The following ATP2B2 variants were observed in gnomAD, a reference collection of about 807,000 sequenced individuals.
ATP2B2 encodes the protein plasma membrane calcium-transporting ATPase 2.
ATP2B2 carries 15 observed loss-of-function variants against 120.0 expected under a neutral mutation model. The observed-to-expected ratio is 0.12, with a 90% CI of 0.08 to 0.19. ATP2B2 has a LOEUF of 0.19. ATP2B2 is among the 10% of genes least tolerant of loss of function. ATP2B2 has a pLI of 1.00. For missense variants in ATP2B2, 1,045 were observed against 1,719.8 expected (o/e 0.61, Z 6.94); for synonymous variants, 694 against 700.3 (o/e 0.99, Z 0.14).
Position 10,677,074 on chromosome 3 carries a change from C to A in ATP2B2, c.-460+30841G>T, listed in dbSNP as rs183837499. On this transcript the variant is annotated intron_variant, in intron 1 of 21. Coordinates refer to the ATP2B2 transcript ENST00000646379. ...CACACTCCCTGGTATTTACCCAAAG[C>A]AGTTGAGAACTTATGTCCACACAAA... 2.8e-3 allele frequency among the ~76,000 whole-genome samples: 429 copies of A among 152,332 alleles called. 1 individual carries two copies. Among genetic ancestry groups the A allele is most frequent in the African/African-American group, 9.8e-3 (408 of 41,568 alleles).
intron 1 of ATP2B2, among the ~76,000 whole-genome samples, chr3:10,504,259 G>A (rs1247284181): frequency 1.3e-5 from 2 of 151,854 alleles, no homozygotes; most frequent in African/African-American, 2.4e-5. Flanking sequence ...CAAGGCCTGC[G>A]CTCCAAGCCC....
intron 1 of ATP2B2, among the ~76,000 whole-genome samples, chr3:10,463,358 G>A (rs1314454515): frequency 3.3e-5 from 5 of 152,176 alleles, no homozygotes; most frequent in Admixed American, 6.5e-5. Flanking sequence ...CATGGGAAGC[G>A]AGGAATATTA....
At chr3:10,461,111 A>C (rs577353265) in intron 1 of ATP2B2, among the ~76,000 whole-genome samples, 1 of 152,226 alleles carries the variant, frequency 6.6e-6, no homozygotes, top group South Asian at 2.1e-4. Flanking sequence ...AGAAAGTAGG[A>C]CTCTTGGATT....
intron 2 of ATP2B2, among the ~76,000 whole-genome samples, chr3:10,611,047 C>T (rs1000046425): frequency 6.6e-6 from 1 of 152,214 alleles, no homozygotes; most frequent in African/African-American, 2.4e-5. Flanking sequence ...GAAACCAGAA[C>T]CTGAGGGCTC....
intron 1 of ATP2B2, among the ~76,000 whole-genome samples, chr3:10,622,405 A>T (rs1197145433): frequency 2.0e-5 from 3 of 152,174 alleles, no homozygotes; most frequent in Non-Finnish European, 4.4e-5. Context: ...ATCTGCATTG[A>T]CAGCAGCCAT....
At chr3:10,606,069 G>A (rs62240191) in intron 2 of ATP2B2, among the ~76,000 whole-genome samples, 2 of 152,070 alleles carry the variant, frequency 1.3e-5, no homozygotes, top group African/African-American at 2.4e-5. Context: ...AGCGAGCTAC[G>A]ATTGTACCAC....
At chr3:10,698,893 A>T (rs947866322) in intron 1 of ATP2B2, among the ~76,000 whole-genome samples, 1 of 152,264 alleles carries the variant, frequency 6.6e-6, no homozygotes, top group Non-Finnish European at 1.5e-5. Context: ...GGGACTGTGC[A>T]CATAGAAGCA....
chr3:10,569,222 C>T (rs2068072757), intron 2 of ATP2B2, among the ~76,000 whole-genome samples: 1 of 152,208 alleles, frequency 6.6e-6, no homozygotes, highest in African/African-American at 2.4e-5. Flanking sequence ...AAAACAATCG[C>T]TCCTCTTTAT....
intron 2 of ATP2B2, among the ~76,000 whole-genome samples, chr3:10,550,672 A>G (rs1292545041): frequency 6.6e-6 from 1 of 152,080 alleles, no homozygotes; most frequent in African/African-American, 2.4e-5. Context: ...GTCTTAATGT[A>G]TCCCTCCAGG....
intron 22 of ATP2B2, among the ~76,000 whole-genome samples, chr3:10,334,363 G>A (rs925286751): frequency 2.6e-5 from 4 of 152,176 alleles, no homozygotes; most frequent in Non-Finnish European, 4.4e-5. Flanking sequence ...TCTCCCTGCC[G>A]GGACACTTGG....
intron 2 of ATP2B2, among the ~76,000 whole-genome samples, chr3:10,581,177 T>C (rs1372557228): frequency 1.3e-5 from 2 of 152,220 alleles, no homozygotes; most frequent in South Asian, 2.1e-4. Flanking sequence ...CACCATGCCA[T>C]GTCCCCACAT....
chr3:10,371,116 A>C (rs1426508746), intron 12 of ATP2B2, among the ~76,000 whole-genome samples: 3 of 152,210 alleles, frequency 2.0e-5, no homozygotes, highest in Non-Finnish European at 4.4e-5. Flanking sequence ...AGTTTATTTT[A>C]CCACTGTGTG....
intron 1 of ATP2B2, among the ~76,000 whole-genome samples, chr3:10,664,641 C>A (rs1414566248): frequency 1.3e-5 from 2 of 152,116 alleles, no homozygotes; most frequent in African/African-American, 4.8e-5. Context: ...TTTTGTGAGC[C>A]TGGGATCTGG....
chr3:10,372,106 G>A, intron 11 of ATP2B2, 55 bp from the exon 12 acceptor site: 1 of 1,613,390 alleles, frequency 6.2e-7, no homozygotes, highest in Non-Finnish European at 8.5e-7. Flanking sequence ...TGGGGAGCAT[G>A]GGGTGCCTGG....
chr3:10,385,376 A>T (rs947764593), intron 7 of ATP2B2, 49 bp from the exon 8 acceptor site: 1 of 1,540,434 alleles, frequency 6.5e-7, no homozygotes, highest in Non-Finnish European at 9.0e-7. Flanking sequence ...AATGGAGAAA[A>T]GCAACAACGA....
intron 16 of ATP2B2, among the ~76,000 whole-genome samples, chr3:10,349,049 G>A (rs916308473): frequency 3.3e-5 from 5 of 152,222 alleles, no homozygotes; most frequent in African/African-American, 7.2e-5. Flanking sequence ...ATCTCCAGTG[G>A]AGCCCTGCTC....
At chr3:10,638,932 A>G (rs1425097833) in intron 1 of ATP2B2, among the ~76,000 whole-genome samples, 4 of 152,240 alleles carry the variant, frequency 2.6e-5, no homozygotes, top group Admixed American at 1.3e-4. Context: ...TAAGCATCTA[A>G]TAAGGCAGCT....
chr3:10,510,958 C>T (rs1224479954), intron 3 of ATP2B2, among the ~76,000 whole-genome samples: 1 of 152,148 alleles, frequency 6.6e-6, no homozygotes, highest in South Asian at 2.1e-4. Context: ...TGGGGAGCTG[C>T]CTACATTCCT....
At chr3:10,608,088 G>A (rs916890778) in intron 2 of ATP2B2, among the ~76,000 whole-genome samples, 2 of 152,236 alleles carry the variant, frequency 1.3e-5, no homozygotes, top group African/African-American at 2.4e-5. Context: ...ACTCGGAAAA[G>A]AGCAGAGCTG....
Sources: allele counts gnomAD v4.1 joint callset (sites outside exome capture counted in the v4.1 genomes callset), GRCh38; gene constraint gnomAD v4.1.1; transcripts MANE v1.5; gene names NCBI Gene and HGNC (gene_info 2026-07-23, HGNC 2026-07-21).